The following ZNF814 variants were observed in gnomAD, a reference collection of about 807,000 sequenced individuals.
ZNF814 encodes the protein zinc finger protein 814.
Under a neutral mutation model 7.5 loss-of-function variants are expected in ZNF814, and 5 were observed. The observed-to-expected ratio is 0.67, with a 90% CI of 0.35 to 1.40. The LOEUF is 1.40. ZNF814 is among the 40% of genes most tolerant of loss of function. ZNF814 has a pLI of 0.04. For synonymous variants in ZNF814, 315 were observed against 340.7 expected (o/e 0.92, Z 0.83); for missense variants, 962 against 1,018.0 (o/e 0.94, Z 0.75).
chr19:57,888,525 C>A (rs1442518829), intron 1 of ZNF814, among the ~76,000 whole-genome samples: 1 of 152,186 alleles, frequency 6.6e-6, no homozygotes, highest in Non-Finnish European at 1.5e-5. Context: ...CAACAGGCAC[C>A]TGTGGACCCC....
chr19:57,895,496 G>A, the ZNF814 span, among the ~76,000 whole-genome samples: 5 of 151,758 alleles, frequency 3.3e-5, no homozygotes, highest in African/African-American at 4.8e-5. Context: ...GGCTGGTCTC[G>A]AACTCCTGGT....
upstream of ZNF814, among the ~76,000 whole-genome samples, chr19:57,893,120 T>G (rs1031999446): frequency 1.5e-4 from 23 of 151,866 alleles, no homozygotes; most frequent in East Asian, 9.7e-4. Context: ...ACCAGAAGCC[T>G]GGAATGCTGG....
intron 1 of ZNF814, among the ~76,000 whole-genome samples, chr19:57,886,741 G>A (rs1368051274): frequency 1.3e-5 from 2 of 152,094 alleles, no homozygotes; most frequent in Admixed American, 6.5e-5. Flanking sequence ...TTAGCCAGGT[G>A]TGGTGGCGGG....
chr19:57,876,947 C>G lies in ZNF814; in HGVS notation c.132G>C (p.Thr44=). 6.2e-7 allele frequency: 1 copy of G among 1,614,120 alleles called. No homozygotes were observed. ...EAQRCLYRDV[T]LENLALISSL... ...AGGATATAAGTGCCAGGTTCTCCAGCGTCACATCACGGTACAGGCATCTCT... is the reference window on the plus strand; with the variant it reads ...AGGATATAAGTGCCAGGTTCTCCAGGGTCACATCACGGTACAGGCATCTCT... Residue 44 remains threonine (T), a synonymous_variant, in exon 2 of 3, where the codon ACG becomes ACC. Transcript: ENST00000435989.
chr19:57,883,219 G>A (rs1214983731), intron 1 of ZNF814, among the ~76,000 whole-genome samples: 2 of 152,042 alleles, frequency 1.3e-5, no homozygotes, highest in Non-Finnish European at 2.9e-5. Flanking sequence ...TTAGCCAGGT[G>A]AGGTGGCGGG....
At chr19:57,889,874 T>C (rs1022054849), upstream of ZNF814, among the ~76,000 whole-genome samples, 1 of 151,612 alleles carries the variant, frequency 6.6e-6, no homozygotes, top group Non-Finnish European at 1.5e-5. Flanking sequence ...GAAAAAAAAA[T>C]AAAAATAAAA....
the ZNF814 span, among the ~76,000 whole-genome samples, chr19:57,898,239 T>C: frequency 6.6e-6 from 1 of 152,192 alleles, no homozygotes; most frequent in African/African-American, 2.4e-5. Flanking sequence ...ATTCAACCTA[T>C]TATTACAGCT....
In ZNF814 at chr19:57,870,067, C is replaced by G. The variant is rs935285206; in HGVS notation, c.*2755G>C. 1.3e-5 allele frequency: 2 copies of G among 152,152 alleles called. No individual in the cohort carries two copies. The highest frequency in any genetic ancestry group is 2.9e-5 in the Non-Finnish European group (2 of 68,036). The allele number at this position is 152,152 out of a possible 1,614,324, so 9.4% of individuals were successfully genotyped here. On this transcript the variant is annotated 3_prime_UTR_variant, in exon 3 of 3. Transcript: ENST00000435989. ...CATCCTAGTTAACATGGTGAAACCCCATCTCTAGTAAAGATACAAAAAATT... is the reference window on the plus strand; with the variant it reads ...CATCCTAGTTAACATGGTGAAACCCGATCTCTAGTAAAGATACAAAAAATT...
rs1397779866 is a variant in ZNF814, at chr19:57,872,823, CAT to C, written c.2565_2566del (p.Ile855MetfsTer96). 4 of 1,611,524 alleles carry C rather than the reference CAT, an allele frequency of 2.5e-6. No homozygotes were observed. Among genetic ancestry groups the C allele is most frequent in the East Asian group, 2.2e-5 (1 of 44,814 alleles). ...AAAACTTTCTGACAATCCTCACACT[CAT>C]ATGGCTTTTCTCCAGTGTGAACTCT... On this transcript the variant is annotated frameshift_variant and stop_lost, in exon 3 of 3. Coordinates refer to ENST00000435989, the MANE Select transcript of ZNF814 (RefSeq NM_001144989.2). LOFTEE classifies it high-confidence loss of function.
chr19:57,898,150 T>C, the ZNF814 span, among the ~76,000 whole-genome samples: 4,427 of 152,250 alleles, frequency 0.029, 239 homozygotes, highest in African/African-American at 0.1. Context: ...TTGGTATTGT[T>C]GGAGTAGGAG....
At chr19:57,884,650 T>G (rs2071674779) in intron 1 of ZNF814, among the ~76,000 whole-genome samples, 1 of 150,900 alleles carries the variant, frequency 6.6e-6, no homozygotes, top group African/African-American at 2.5e-5. Context: ...GACATACAAA[T>G]GGCAAACAGG....
In ZNF814 at chr19:57,870,067, C is replaced by T. The variant is rs935285206; in HGVS notation, c.*2755G>A. The T allele has an allele frequency of 6.6e-6, 1 of 152,036 alleles. No individual in the cohort carries two copies. Among genetic ancestry groups the T allele is most frequent in the African/African-American group, 2.4e-5 (1 of 41,374 alleles). The allele number at this position is 152,036 out of a possible 1,614,324, so 9.4% of individuals were successfully genotyped here. On this transcript the variant is annotated 3_prime_UTR_variant, in exon 3 of 3. Transcript: ENST00000435989. Reference sequence around the variant, plus strand: ...CATCCTAGTTAACATGGTGAAACCCCATCTCTAGTAAAGATACAAAAAATT... The same window carrying T: ...CATCCTAGTTAACATGGTGAAACCCTATCTCTAGTAAAGATACAAAAAATT...
chr19:57,888,622 G>C, intron 1 of ZNF814, 145 bp downstream of exon 1: 9 of 980,794 alleles, frequency 9.2e-6, no homozygotes, highest in South Asian at 2.9e-5. Context: ...GCATCCCACG[G>C]GTGTCAGAAA....
chr19:57,886,845 A>AC (rs1384164851), intron 1 of ZNF814, among the ~76,000 whole-genome samples: 1 of 151,518 alleles, frequency 6.6e-6, no homozygotes, highest in Non-Finnish European at 1.5e-5. Context: ...ACACCACTGC[A>AC]CTCCAGGCTG....
rs1280490150 is a variant in ZNF814 at position 57,872,518 on chromosome 19, T to C, written c.*304A>G. ...TATTTGTCTAGTGTGAACTCTCTGA[T>C]ATTCAAGGAGAAAAGACCTTCAGGT... On this transcript the variant is annotated 3_prime_UTR_variant, in exon 3 of 3. Coordinates refer to ENST00000435989, the MANE Select transcript of ZNF814 (RefSeq NM_001144989.2). The C allele has an allele frequency of 1.6e-6, 1 of 622,928 alleles. No individual in the cohort carries two copies. The allele number at this position is 622,928 out of a possible 1,614,324, so 38.6% of individuals were successfully genotyped here.
In ZNF814 at chr19:57,871,396, C is replaced by T. The variant is rs962541259; in HGVS notation, c.*1426G>A. ...GTCCACAAGTGGAGAAAGCTACATT[C>T]TGCATTCATACTGTTCCATGAGCCA... On this transcript the variant is annotated 3_prime_UTR_variant, in exon 3 of 3. Coordinates refer to ENST00000435989, the MANE Select transcript of ZNF814 (RefSeq NM_001144989.2). 6.6e-6 allele frequency: 1 copy of T among 152,164 alleles called. No homozygotes were observed. The highest frequency in any genetic ancestry group is 1.5e-5 in the Non-Finnish European group (1 of 68,038). 9.4% of individuals were successfully genotyped at this position (152,164 alleles called of 1,614,324 possible).
At position 57,871,735 on chromosome 19, in the gene ZNF814, G is replaced by GA. The variant is rs1280036536; in HGVS notation, c.*1086dup. 4.4e-5 allele frequency: 6 copies of GA among 135,684 alleles called. No individual in the cohort carries two copies. The East Asian group carries it at 1.1e-3, about 26-fold the overall frequency. The allele number at this position is 135,684 out of a possible 1,614,324, so 8.4% of individuals were successfully genotyped here. On this transcript the variant is annotated 3_prime_UTR_variant, in exon 3 of 3. Transcript: ENST00000435989. The stretch of plus-strand genomic sequence containing the variant: ...CGTCCATGGCATGACTTATCAGACA[G>GA]AAAAAAATGACAAAGGAAGAAGTGC...
rs1344739593 is a variant in ZNF814, at chr19:57,880,494, G to C, written c.37-3452C>G. Reference sequence around the variant, plus strand: ...CTGCGTTATGGACTTAGGGCCTAGGGTTTAGGGTTTCTCTAGTGTTTCCGG... The same window carrying C: ...CTGCGTTATGGACTTAGGGCCTAGGCTTTAGGGTTTCTCTAGTGTTTCCGG... On this transcript the variant is annotated intron_variant, in intron 1 of 2. Coordinates refer to ENST00000435989, the MANE Select transcript of ZNF814 (RefSeq NM_001144989.2). Among the ~76,000 whole-genome samples, 98 of 151,260 alleles carry C rather than the reference G, an allele frequency of 6.5e-4. No homozygotes were observed. In the South Asian group the frequency reaches 0.012, roughly 19 times the overall value.
upstream of ZNF814, among the ~76,000 whole-genome samples, chr19:57,893,352 T>G (rs1476790144): frequency 6.6e-6 from 1 of 151,840 alleles, no homozygotes; most frequent in Non-Finnish European, 1.5e-5. Context: ...TTTTGTATTT[T>G]TACTACAGAC....
Sources: allele counts gnomAD v4.1 joint callset (sites outside exome capture counted in the v4.1 genomes callset), GRCh38; gene constraint gnomAD v4.1.1; transcripts MANE v1.5; gene names NCBI Gene and HGNC (gene_info 2026-07-23, HGNC 2026-07-21).